The following DOCK1 variants were observed in gnomAD, a reference collection of about 807,000 sequenced individuals.
DOCK1 encodes the protein dedicator of cytokinesis protein 1.
A neutral mutation model predicts 262.7 loss-of-function variants in DOCK1; 138 were observed. The ratio of observed to expected loss-of-function variants is 0.53; its 90% CI spans 0.46 to 0.61. DOCK1 has a LOEUF of 0.61. Among genes scored for constraint, DOCK1 ranks in the 20% least tolerant of loss-of-function variants. The pLI, the probability that DOCK1 is intolerant of heterozygous loss-of-function variation, is 0.00. For synonymous variants in DOCK1, 866 were observed against 867.4 expected, an observed-to-expected ratio of 1.00 and a Z score of 0.03; for missense variants, 1,908 against 2,370.7, an observed-to-expected ratio of 0.80 and a Z score of 4.05.
At chr10:127,226,532 C>A (rs2058647832) in intron 27 of DOCK1, among the ~76,000 whole-genome samples, 2 of 151,990 alleles carry the variant, frequency 1.3e-5, no homozygotes. Flanking sequence ...CGCTTGAGGT[C>A]AGGAGTTCGA....
intron 23 of DOCK1, among the ~76,000 whole-genome samples, chr10:127,078,257 A>G (rs2046687111): frequency 6.6e-6 from 1 of 152,184 alleles, no homozygotes; most frequent in Non-Finnish European, 1.5e-5. Context: ...GTTTTATCTT[A>G]TAGAATTTTT....
At chr10:127,130,783 G>A (rs1235639488) in intron 27 of DOCK1, among the ~76,000 whole-genome samples, 1 of 152,156 alleles carries the variant, frequency 6.6e-6, no homozygotes, top group Non-Finnish European at 1.5e-5. Context: ...AGCTAGCATG[G>A]CAGCACTTGT....
At chr10:127,118,681 CAA>C (rs1029839322) in intron 25 of DOCK1, among the ~76,000 whole-genome samples, 1 of 152,170 alleles carries the variant, frequency 6.6e-6, no homozygotes, top group African/African-American at 2.4e-5. Context: ...CTGAATACCT[CAA>C]GAGTGAAGTG....
At chr10:127,370,546 A>G (rs2065151983) in intron 33 of DOCK1, among the ~76,000 whole-genome samples, 1 of 152,200 alleles carries the variant, frequency 6.6e-6, no homozygotes, top group Admixed American at 6.5e-5. Flanking sequence ...AATCTCACCC[A>G]AAACAAAAAT....
chr10:127,065,262 C>G (rs998698768), intron 23 of DOCK1, among the ~76,000 whole-genome samples: 1 of 152,154 alleles, frequency 6.6e-6, no homozygotes, highest in East Asian at 1.9e-4. Context: ...TCACCCGCCT[C>G]GGCCTCCCAA....
intron 29 of DOCK1, among the ~76,000 whole-genome samples, chr10:127,330,404 A>G (rs956111348): frequency 2.0e-5 from 3 of 149,710 alleles, no homozygotes; most frequent in Non-Finnish European, 2.9e-5. Flanking sequence ...GGATGGCTAC[A>G]TCAGAAAAAA....
At chr10:127,285,548 T>C (rs903359402) in intron 29 of DOCK1, among the ~76,000 whole-genome samples, 2 of 152,244 alleles carry the variant, frequency 1.3e-5, no homozygotes, top group Admixed American at 6.5e-5. Flanking sequence ...CCAGTACCAC[T>C]GCACCTTCAC....
chr10:126,917,105 G>A (rs1166102160), intron 1 of DOCK1, among the ~76,000 whole-genome samples: 4 of 152,096 alleles, frequency 2.6e-5, no homozygotes, highest in Non-Finnish European at 5.9e-5. Flanking sequence ...TGGGAGCTGT[G>A]CTTGTGGCTC....
chr10:126,972,529 C>G (rs1394431919), intron 2 of DOCK1, among the ~76,000 whole-genome samples: 4 of 152,062 alleles, frequency 2.6e-5, no homozygotes, highest in Non-Finnish European at 1.5e-5. Flanking sequence ...AGAAAAACTG[C>G]TTTTTCACAG....
chr10:126,960,767 C>G (rs1259232387), intron 1 of DOCK1, among the ~76,000 whole-genome samples: 1 of 137,172 alleles, frequency 7.3e-6, no homozygotes, highest in Non-Finnish European at 1.6e-5. Flanking sequence ...CACACAGACA[C>G]ATATATACGT....
chr10:127,048,488 C>T (rs764711257), intron 21 of DOCK1, among the ~76,000 whole-genome samples: 7 of 151,664 alleles, frequency 4.6e-5, no homozygotes, highest in African/African-American at 1.2e-4. Context: ...TGGTGTCTTT[C>T]GATGAGCAGA....
intron 27 of DOCK1, among the ~76,000 whole-genome samples, chr10:127,200,089 G>A (rs571936697): frequency 5.2e-4 from 79 of 152,294 alleles, no homozygotes; most frequent in African/African-American, 1.8e-3. Flanking sequence ...AGCTCGCTAT[G>A]GACGTGAATT....
intron 23 of DOCK1, among the ~76,000 whole-genome samples, chr10:127,062,276 A>G (rs550060899): frequency 6.6e-6 from 1 of 152,250 alleles, no homozygotes; most frequent in Non-Finnish European, 1.5e-5. Context: ...ATGACACATA[A>G]AAACTGTACA....
At chr10:127,065,052 C>A (rs528568890) in intron 23 of DOCK1, among the ~76,000 whole-genome samples, 30 of 152,240 alleles carry the variant, frequency 2.0e-4, no homozygotes, top group African/African-American at 7.2e-4. Context: ...CTCAGTCTCC[C>A]ATGCTGGAGG....
intron 27 of DOCK1, among the ~76,000 whole-genome samples, chr10:127,235,120 T>C (rs1338957288): frequency 6.6e-6 from 1 of 150,412 alleles, no homozygotes; most frequent in Non-Finnish European, 1.5e-5. Context: ...TTAAACATTA[T>C]ATACTTTGTA....
intron 47 of DOCK1, 36 bp downstream of exon 47, chr10:127,426,047 G>A (rs1336569088): frequency 1.9e-6 from 3 of 1,611,320 alleles, no homozygotes; most frequent in South Asian, 1.1e-5. Flanking sequence ...GCAGAAGAGT[G>A]GGTGTCTGGG....
intron 29 of DOCK1, among the ~76,000 whole-genome samples, chr10:127,283,896 A>G (rs1165416861): frequency 2.0e-5 from 3 of 152,230 alleles, no homozygotes; most frequent in Non-Finnish European, 4.4e-5. Flanking sequence ...ACACATTCCC[A>G]GAAGTCGGAT....
chr10:127,176,236 C>G lies in DOCK1; in HGVS notation c.2847+48472C>G. 1.2e-6 allele frequency: 2 copies of G among 1,614,098 alleles called. No homozygotes were observed. Among genetic ancestry groups the G allele is most frequent in the Non-Finnish European group, 1.7e-6 (2 of 1,180,034 alleles). Reference sequence around the variant, plus strand: ...GTGTCCCTCTGCTCATTCTGTGCCTCGCAGATATCCTTAAACCGCACCTGC... The same window carrying G: ...GTGTCCCTCTGCTCATTCTGTGCCTGGCAGATATCCTTAAACCGCACCTGC... On this transcript the variant is annotated intron_variant, in intron 27 of 51. Transcript: ENST00000623213. This position sits in a 1 kb window ranked among gnomAD's most constrained non-coding sequence, Gnocchi z 4.4.
In DOCK1 at chr10:127,248,017, G is replaced by A; in HGVS notation, c.2857G>A (p.Val953Met). The A allele has an allele frequency of 1.9e-6, 3 of 1,613,830 alleles. No homozygotes were observed. The highest frequency in any genetic ancestry group is 2.5e-6 in the Non-Finnish European group (3 of 1,179,852). The change falls in exon 28 of 52, where the codon GTG becomes ATG. Residue 953 changes from valine to methionine, a missense_variant. Coordinates refer to ENST00000623213, the MANE Select transcript of DOCK1 (RefSeq NM_001290223.2). ...GRDSELIGNF[V>M]ACMTAILRQM... ...TTTGATTCATTTACAGGGAAACTTCGTGGCTTGCATGACAGCTATTTTACG... is the reference window on the plus strand; with the variant it reads ...TTTGATTCATTTACAGGGAAACTTCATGGCTTGCATGACAGCTATTTTACG...
Sources: gnomAD v4.1 joint callset for allele counts (sites outside exome capture counted in the v4.1 genomes callset) on GRCh38, gnomAD v4.1.1 for gene constraint, Gnocchi (gnomAD v3.1) non-coding constraint, MANE v1.5 for transcripts, NCBI Gene and HGNC (gene_info 2026-07-23, HGNC 2026-07-21) for gene names.